Variants in MTFR1 observed in about 807,000 individuals in gnomAD.
MTFR1 encodes chondrocyte protein with a poly-proline region.
In MTFR1, 28 loss-of-function variants were observed where a neutral mutation model predicts 38.8. The ratio of observed to expected loss-of-function variants is 0.72; its 90% CI spans 0.53 to 0.99. MTFR1 has a LOEUF of 0.99. Ranked by LOEUF, MTFR1 falls within the 50% of genes least tolerant of loss-of-function variation. MTFR1 has a pLI of 0.00. For missense variants in MTFR1, 358 were observed against 395.5 expected, an observed-to-expected ratio of 0.91 and a Z score of 0.81; for synonymous variants, 145 against 137.0, an observed-to-expected ratio of 1.06 and a Z score of -0.41.
intron 3 of MTFR1, among the ~76,000 whole-genome samples, chr8:65,748,385 A>C (rs1228633788): frequency 6.6e-6 from 1 of 152,170 alleles, no homozygotes; most frequent in Non-Finnish European, 1.5e-5. Flanking sequence ...AAAAATTATT[A>C]AGGTGATATG....
intron 3 of MTFR1, among the ~76,000 whole-genome samples, chr8:65,685,834 A>G (rs1442167004): frequency 6.6e-6 from 1 of 152,222 alleles, no homozygotes; most frequent in East Asian, 1.9e-4. Context: ...GAAGATCAGG[A>G]GTTCTCAGGG....
At chr8:65,768,605 C>A (rs1296241327) in intron 3 of MTFR1, among the ~76,000 whole-genome samples, 1 of 152,118 alleles carries the variant, frequency 6.6e-6, no homozygotes, top group Non-Finnish European at 1.5e-5. Context: ...TTATCAGCAG[C>A]GTAAAAACAG....
intron 1 of MTFR1, among the ~76,000 whole-genome samples, chr8:65,645,095 C>CCG (rs1376568591): frequency 6.6e-6 from 1 of 152,208 alleles, no homozygotes; most frequent in African/African-American, 2.4e-5. Context: ...GCCCCCTCCC[C>CCG]CGACCTTCGG....
chr8:65,645,677 C>T (rs1284479729), intron 1 of MTFR1, among the ~76,000 whole-genome samples: 1 of 146,064 alleles, frequency 6.8e-6, no homozygotes, highest in Non-Finnish European at 1.5e-5. Flanking sequence ...AGGCAGGCGC[C>T]ATCACGCCCG....
chr8:65,773,522 T>C (rs557009204), downstream of MTFR1, among the ~76,000 whole-genome samples: 82 of 152,332 alleles, frequency 5.4e-4, no homozygotes, highest in Admixed American at 1.7e-3. Flanking sequence ...GATATAAGTA[T>C]AGATACCAAA....
Position 65,766,197 on chromosome 8 carries a change from T to G in MTFR1, c.*49-4750T>G, listed in dbSNP as rs1585894595. Among the ~76,000 whole-genome samples the G allele has an allele frequency of 2.0e-5, 3 of 152,258 alleles. 1 individual carries two copies. The highest frequency in any genetic ancestry group is 7.2e-5 in the African/African-American group (3 of 41,568). On this transcript the variant is annotated intron_variant, in intron 3 of 3. Transcript: ENST00000521247. ...CTGACCTCAGGTGATCCACCCGCCT[T>G]GGCCTCCCAAAGTGCTGGGATTACA... is the stretch of plus-strand genomic sequence containing the variant.
At chr8:65,700,055 A>G (rs935692757) in intron 4 of MTFR1, among the ~76,000 whole-genome samples, 3 of 152,146 alleles carry the variant, frequency 2.0e-5, no homozygotes, top group Non-Finnish European at 2.9e-5. Flanking sequence ...TTTTATTTAT[A>G]AACTAGAAGT....
chr8:65,663,761 C>G (rs1804282719), intron 1 of MTFR1, among the ~76,000 whole-genome samples: 1 of 150,130 alleles, frequency 6.7e-6, no homozygotes. Context: ...TTCCCCCTCC[C>G]CTTCCCCTTC....
intron 2 of MTFR1, chr8:65,719,083 C>T (rs1806266086): frequency 1.7e-6 from 1 of 573,900 alleles, no homozygotes; most frequent in Middle Eastern, 4.6e-4. Flanking sequence ...ACATGAAAGC[C>T]AAATTCATAT....
downstream of MTFR1, among the ~76,000 whole-genome samples, chr8:65,772,942 A>T (rs1172201288): frequency 1.3e-5 from 2 of 152,178 alleles, no homozygotes; most frequent in Non-Finnish European, 2.9e-5. Context: ...TGGGAGACGG[A>T]GGCTGCAGTG....
chr8:65,765,890 C>A (rs530951841), intron 3 of MTFR1, among the ~76,000 whole-genome samples: 1 of 152,200 alleles, frequency 6.6e-6, no homozygotes, highest in Non-Finnish European at 1.5e-5. Flanking sequence ...TAATGTGTAA[C>A]TAAAGAATGA....
At chr8:65,688,594 G>A (rs1285318083) in intron 3 of MTFR1, among the ~76,000 whole-genome samples, 1 of 149,932 alleles carries the variant, frequency 6.7e-6, no homozygotes, top group Non-Finnish European at 1.5e-5. Flanking sequence ...GACTACAGGC[G>A]CCCGCCACCA....
At chr8:65,744,797 G>A (rs1807598026) in intron 3 of MTFR1, among the ~76,000 whole-genome samples, 1 of 152,240 alleles carries the variant, frequency 6.6e-6, no homozygotes. Flanking sequence ...AATCTGCCAA[G>A]TCATGATGAT....
In MTFR1 at chr8:65,699,435, T is replaced by G. The variant is rs547092516; in HGVS notation, c.282-5259T>G. Among the ~76,000 whole-genome samples the G allele has an allele frequency of 9.8e-5, 15 of 152,378 alleles. No homozygotes were observed. The East Asian group carries it at 2.9e-3, about 29-fold the overall frequency. On this transcript the variant is annotated intron_variant, in intron 4 of 7. Transcript: ENST00000262146. ...TCTTCATATTCCTTTCCACAGTGGC[T>G]GAGCTAATTTACATTCCCACCAGCA...
the MTFR1 span, among the ~76,000 whole-genome samples, chr8:65,777,077 C>CTTT: frequency 5.6e-4 from 51 of 90,424 alleles, no homozygotes; most frequent in South Asian, 1.7e-3. Flanking sequence ...TTATCAAATG[C>CTTT]TTTTTTTTTT....
intron 4 of MTFR1, among the ~76,000 whole-genome samples, chr8:65,703,419 GTTTTTTTTTTTTTTTTTTTTT>G (rs553260839): frequency 5.9e-5 from 3 of 50,940 alleles, no homozygotes; most frequent in Non-Finnish European, 1.0e-4. Flanking sequence ...GATGTCTCTG[GTTTTTTTTTTTTTTTTTTTTT>G]TTTTTTTTTT....
intron 3 of MTFR1, among the ~76,000 whole-genome samples, chr8:65,751,251 T>A (rs1376932876): frequency 6.6e-6 from 1 of 152,188 alleles, no homozygotes; most frequent in Non-Finnish European, 1.5e-5. Flanking sequence ...TGTCTAAGAT[T>A]TAATAGAGGA....
chr8:65,741,055 T>C (rs1384336342), intron 3 of MTFR1, among the ~76,000 whole-genome samples: 2 of 152,256 alleles, frequency 1.3e-5, no homozygotes. Context: ...AAAACTACCA[T>C]TTTTATGATG....
At chr8:65,748,857 C>A (rs574569553) in intron 3 of MTFR1, among the ~76,000 whole-genome samples, 2 of 152,136 alleles carry the variant, frequency 1.3e-5, no homozygotes, top group Non-Finnish European at 2.9e-5. Flanking sequence ...GTAGCCATGT[C>A]GAGGGTGGTA....
Sources: allele counts gnomAD v4.1 joint callset (sites outside exome capture counted in the v4.1 genomes callset), GRCh38; gene constraint gnomAD v4.1.1; transcripts MANE v1.5; gene names NCBI Gene and HGNC (gene_info 2026-07-23, HGNC 2026-07-21).